Variants in THSD4 observed in about 807,000 individuals in gnomAD.
THSD4 encodes the protein thrombospondin type 1 domain containing 4, also known as thrombospondin type-1 domain-containing protein 4.
A neutral mutation model predicts 119.0 loss-of-function variants in THSD4; 69 were observed. The observed-to-expected ratio is 0.58, with a 90% CI of 0.48 to 0.71. THSD4 has a LOEUF of 0.71. THSD4 is among the 30% of genes least tolerant of loss of function. THSD4 has a pLI of 0.00. For synonymous variants in THSD4, 524 were observed against 540.4 expected, an observed-to-expected ratio of 0.97 and a Z score of 0.42; for missense variants, 1,393 against 1,391.1, an observed-to-expected ratio of 1.00 and a Z score of -0.02.
At chr15:71,572,723 C>T (rs934434857) in intron 7 of THSD4, among the ~76,000 whole-genome samples, 2 of 151,860 alleles carry the variant, frequency 1.3e-5, no homozygotes, top group Non-Finnish European at 2.9e-5. Flanking sequence ...TTTTCCAAGT[C>T]GGAAAGTAGG....
intron 7 of THSD4, among the ~76,000 whole-genome samples, chr15:71,636,754 C>T (rs1292393855): frequency 1.3e-5 from 2 of 152,110 alleles, no homozygotes; most frequent in Non-Finnish European, 2.9e-5. Context: ...AGCTGGTCCC[C>T]GAGGACCTCC....
At chr15:71,550,506 G>A (rs377168066) in intron 7 of THSD4, among the ~76,000 whole-genome samples, 21 of 152,108 alleles carry the variant, frequency 1.4e-4, no homozygotes, top group Non-Finnish European at 1.8e-4. Context: ...GCACAATCTC[G>A]GCTCACTGCA....
chr15:71,199,540 T>C, intron 3 of THSD4, among the ~76,000 whole-genome samples: 1 of 123,694 alleles, frequency 8.1e-6, no homozygotes, highest in South Asian at 2.6e-4. Flanking sequence ...GTGTGGTGTG[T>C]GTATGTGTGG....
At chr15:71,390,072 G>C (rs1190350041) in intron 6 of THSD4, among the ~76,000 whole-genome samples, 2 of 151,898 alleles carry the variant, frequency 1.3e-5, no homozygotes, top group Non-Finnish European at 2.9e-5. Flanking sequence ...CAAAGTGCTG[G>C]GATTACAGGT....
Position 71,215,279 on chromosome 15 carries a change from A to G in THSD4, c.344A>G (p.His115Arg), listed in dbSNP as rs1386643695. 1.3e-6 allele frequency: 2 copies of G among 1,520,786 alleles called. No homozygotes were observed. The highest frequency in any genetic ancestry group is 1.8e-6 in the Non-Finnish European group (2 of 1,140,254). The allele number at this position is 1,520,786 out of a possible 1,614,324, so 94.2% of individuals were successfully genotyped here. Residue 115 changes from histidine (H) to arginine (R), a missense_variant, in exon 4 of 18, where the codon CAC becomes CGC. By Grantham distance (29) the His-to-Arg change is conservative. Coordinates refer to ENST00000261862, the MANE Select transcript of THSD4 (RefSeq NM_024817.3). ...VSAVRTSVPL[H>R]RSRDETPALA... ...GCGGTGCGCACGTCGGTGCCACTGC[A>G]CCGGAGCCGCGACGAGACGCCAGCG...
intron 7 of THSD4, among the ~76,000 whole-genome samples, chr15:71,428,101 G>T (rs1190742924): frequency 3.3e-5 from 5 of 152,182 alleles, no homozygotes. Context: ...GCAGAGAAAA[G>T]TCCTCTGGGC....
rs142860809 is a variant in THSD4 at position 71,641,808 on chromosome 15, A to G, written c.1153-18722A>G. Among the ~76,000 whole-genome samples, 331 of 152,312 alleles carry G rather than the reference A, an allele frequency of 2.2e-3. 1 individual carries two copies. Among genetic ancestry groups the G allele is most frequent in the African/African-American group, 7.7e-3 (318 of 41,564 alleles). ...AAAACCAAATGCTAGAAAAGGTACA[A>G]TGCTAAAAAGAAACTGTAAAAAAAA... On this transcript the variant is annotated intron_variant, in intron 7 of 17. Coordinates refer to ENST00000261862, the MANE Select transcript of THSD4 (RefSeq NM_024817.3).
intron 7 of THSD4, among the ~76,000 whole-genome samples, chr15:71,505,499 G>A (rs2140740457): frequency 6.6e-6 from 1 of 152,316 alleles, no homozygotes; most frequent in African/African-American, 2.4e-5. Context: ...GCAGCCAAAA[G>A]TAGACAGCCA....
chr15:71,384,729 C>T (rs1456596830), intron 6 of THSD4, among the ~76,000 whole-genome samples: 1 of 152,184 alleles, frequency 6.6e-6, no homozygotes, highest in Non-Finnish European at 1.5e-5. Flanking sequence ...AAGTGCAGTG[C>T]CGTTCATTTG....
At chr15:71,524,423 T>C (rs2048486148) in intron 7 of THSD4, among the ~76,000 whole-genome samples, 1 of 152,130 alleles carries the variant, frequency 6.6e-6, no homozygotes, top group South Asian at 2.1e-4. Context: ...TCACCCAGTG[T>C]GCCAACTCTG....
At chr15:71,681,572 G>T (rs899284754) in intron 8 of THSD4, among the ~76,000 whole-genome samples, 1 of 151,862 alleles carries the variant, frequency 6.6e-6, no homozygotes, top group Non-Finnish European at 1.5e-5. Flanking sequence ...CTACTCGGGA[G>T]GCTGGGGCGG....
chr15:71,630,150 AAAAC>A lies in THSD4; in HGVS notation c.1153-30374_1153-30371del, dbSNP rs1425373519. On this transcript the variant is annotated intron_variant, in intron 7 of 17. Transcript: ENST00000261862. Reference sequence around the variant, plus strand: ...CTCTAAAGTCCCCCAGTAAAAAAAGAAAACAAACAGACAAAAAACAGAAAATTCT... The same window carrying A: ...CTCTAAAGTCCCCCAGTAAAAAAAGAAAACAGACAAAAAACAGAAAATTCT... 2.6e-4 allele frequency among the ~76,000 whole-genome samples: 39 copies of A among 152,322 alleles called. No homozygotes were observed. In the East Asian group the frequency reaches 3.1e-3, roughly 12 times the overall value.
intron 6 of THSD4, among the ~76,000 whole-genome samples, chr15:71,280,596 TTCCCTCCC>T (rs921117414): frequency 1.3e-5 from 2 of 150,986 alleles, no homozygotes; most frequent in African/African-American, 5.0e-5. Flanking sequence ...CTTTTCCTCA[TTCCCTCCC>T]TCCCTCCCTC....
intron 6 of THSD4, among the ~76,000 whole-genome samples, chr15:71,289,257 A>G (rs922715128): frequency 3.9e-5 from 6 of 152,186 alleles, no homozygotes; most frequent in African/African-American, 1.2e-4. Context: ...ATGTGCAACC[A>G]GGAGGGTAGG....
chr15:71,439,380 G>A (rs553080637), intron 7 of THSD4, among the ~76,000 whole-genome samples: 1 of 152,300 alleles, frequency 6.6e-6, no homozygotes, highest in Admixed American at 6.5e-5. Context: ...ATGCTGGAGA[G>A]GATGTGGAGA....
chr15:71,257,067 C>T (rs1015028519), intron 6 of THSD4, among the ~76,000 whole-genome samples: 2 of 152,098 alleles, frequency 1.3e-5, no homozygotes, highest in Admixed American at 1.3e-4. Flanking sequence ...GTTTCCCTTT[C>T]CTTGGTTCCT....
At chr15:71,474,086 C>T (rs1426836455) in intron 7 of THSD4, among the ~76,000 whole-genome samples, 1 of 152,296 alleles carries the variant, frequency 6.6e-6, no homozygotes, top group African/African-American at 2.4e-5. Flanking sequence ...CAGGGAATCC[C>T]AGTGTCCTAG....
chr15:71,321,848 AG>A (rs2045273539), intron 6 of THSD4, among the ~76,000 whole-genome samples: 1 of 152,170 alleles, frequency 6.6e-6, no homozygotes, highest in Non-Finnish European at 1.5e-5. Flanking sequence ...AATATTTAAA[AG>A]AATATTAAAA....
chr15:71,339,834 C>T (rs982491918), intron 6 of THSD4, among the ~76,000 whole-genome samples: 22 of 151,926 alleles, frequency 1.4e-4, no homozygotes, highest in African/African-American at 3.4e-4. Context: ...GCGCGATCTC[C>T]GCTCACTGCA....
Sources: gnomAD v4.1 joint callset for allele counts (sites outside exome capture counted in the v4.1 genomes callset) on GRCh38, gnomAD v4.1.1 for gene constraint, MANE v1.5 for transcripts, NCBI Gene and HGNC (gene_info 2026-07-23, HGNC 2026-07-21) for gene names.